PCDHA8: variants seen among roughly 807,000 people sequenced by gnomAD.
PCDHA8 encodes protocadherin alpha-8.
PCDHA8 carries 53 observed loss-of-function variants against 61.8 expected under a neutral mutation model. That is an observed-to-expected ratio of 0.86 (90% CI 0.69 to 1.08). PCDHA8 has a LOEUF of 1.08. Ranked by LOEUF, PCDHA8 falls within the 50% of genes least tolerant of loss-of-function variation. The probability of loss-of-function intolerance (pLI) is 0.00; values close to 1 mark genes in which losing one functional copy is unlikely to be tolerated. For synonymous variants in PCDHA8, 618 were observed against 556.6 expected (o/e 1.11, Z -1.55); for missense variants, 1,293 against 1,245.0 (o/e 1.04, Z -0.58).
chr5:141,003,520 C>T (rs1171208921), intron 3 of PCDHA8, among the ~76,000 whole-genome samples: 2 of 152,126 alleles, frequency 1.3e-5, no homozygotes, highest in Admixed American at 6.5e-5. Flanking sequence ...ACCATGTTCC[C>T]TAGGCTGGTC....
At chr5:140,948,106 T>A (rs1383733772) in intron 1 of PCDHA8, among the ~76,000 whole-genome samples, 1 of 151,652 alleles carries the variant, frequency 6.6e-6, no homozygotes, top group Non-Finnish European at 1.5e-5. Context: ...TGATTTTTCT[T>A]CGTTTTACTA....
intron 1 of PCDHA8, chr5:140,875,192 C>T (rs2055339316): frequency 2.0e-6 from 1 of 509,102 alleles, no homozygotes. Flanking sequence ...AAGAGTGACC[C>T]AGGAAGTGGC....
intron 3 of PCDHA8, among the ~76,000 whole-genome samples, chr5:140,995,888 T>C (rs1307052037): frequency 3.3e-5 from 5 of 152,216 alleles, no homozygotes; most frequent in Non-Finnish European, 5.9e-5. Flanking sequence ...GCTTCAGATT[T>C]ATCAATGTAT....
At chr5:140,864,302 C>T (rs550549818) in intron 1 of PCDHA8, 1 of 152,214 alleles carries the variant, frequency 6.6e-6, no homozygotes, top group Non-Finnish European at 1.5e-5. Context: ...TTCAAAAATA[C>T]CATGACAATA....
chr5:140,863,264 C>A (rs1432032847), intron 1 of PCDHA8: 2 of 1,454,796 alleles, frequency 1.4e-6, no homozygotes, highest in African/African-American at 1.4e-5. Context: ...GTCCGGGAGG[C>A]AGCGCTGGTG....
intron 1 of PCDHA8, among the ~76,000 whole-genome samples, chr5:140,948,744 C>A (rs868917864): frequency 3.3e-5 from 5 of 151,312 alleles, no homozygotes; most frequent in South Asian, 2.1e-4. Flanking sequence ...GAGAATTTAT[C>A]AATTTTGCTG....
chr5:140,963,526 T>G (rs1359195018), intron 1 of PCDHA8, among the ~76,000 whole-genome samples: 3 of 152,204 alleles, frequency 2.0e-5, no homozygotes, highest in Non-Finnish European at 4.4e-5. Flanking sequence ...ATAACAGAAG[T>G]CCCATTTACT....
At chr5:140,856,621 A>T in intron 1 of PCDHA8, 1 of 1,597,974 alleles carries the variant, frequency 6.3e-7, no homozygotes, top group Non-Finnish European at 8.6e-7. Context: ...ACAAATTCCC[A>T]GTGCTTGTTC....
At chr5:141,006,951 T>TA (rs1428990680) in intron 3 of PCDHA8, among the ~76,000 whole-genome samples, 1 of 152,164 alleles carries the variant, frequency 6.6e-6, no homozygotes, top group Non-Finnish European at 1.5e-5. Context: ...GATAGGCAGT[T>TA]ATACATGAGA....
intron 3 of PCDHA8, among the ~76,000 whole-genome samples, chr5:141,000,180 T>G (rs2153962126): frequency 6.6e-6 from 1 of 151,688 alleles, no homozygotes; most frequent in South Asian, 2.1e-4. Flanking sequence ...AGCCAAGGAG[T>G]CAATGTGAGA....
chr5:140,967,698 A>T, intron 1 of PCDHA8: 1 of 1,614,174 alleles, frequency 6.2e-7, no homozygotes, highest in Non-Finnish European at 8.5e-7. Context: ...TTCAGCATAG[A>T]TGCCAGTACC....
intron 3 of PCDHA8, among the ~76,000 whole-genome samples, chr5:141,007,315 C>A (rs1207897662): frequency 1.3e-5 from 2 of 148,308 alleles, no homozygotes; most frequent in Admixed American, 1.4e-4. Flanking sequence ...TTTTGGGAGG[C>A]TAAAGTGGAC....
At chr5:140,878,264 T>G (rs577205816) in intron 1 of PCDHA8, among the ~76,000 whole-genome samples, 83 of 152,314 alleles carry the variant, frequency 5.4e-4, no homozygotes, top group African/African-American at 1.9e-3. Flanking sequence ...TGCTTAGGCT[T>G]TTAAAATAGC....
intron 1 of PCDHA8, chr5:140,876,123 C>T (rs782271666): frequency 6.2e-7 from 1 of 1,613,906 alleles, no homozygotes; most frequent in East Asian, 2.2e-5. Flanking sequence ...TAATCGATGG[C>T]GGTAAACCAG....
chr5:140,981,691 T>C (rs1370541525), intron 2 of PCDHA8, among the ~76,000 whole-genome samples: 1 of 150,826 alleles, frequency 6.6e-6, no homozygotes, highest in East Asian at 2.1e-4. Flanking sequence ...CCTTCCATCA[T>C]TCATTCATTC....
rs542968986 is a variant in PCDHA8, at chr5:141,005,917, A to T, written c.2543-3710A>T. On this transcript the variant is annotated intron_variant, in intron 3 of 3. Transcript: ENST00000531613. ...AGCAATGATTGCACCACTGCACTTCAGCCTGGTTGACAGAGTGAGAACCTA... is the reference window on the plus strand; with the variant it reads ...AGCAATGATTGCACCACTGCACTTCTGCCTGGTTGACAGAGTGAGAACCTA... Among the ~76,000 whole-genome samples the T allele has an allele frequency of 4.5e-4, 69 of 152,156 alleles. No homozygotes were observed. In the South Asian group the frequency reaches 0.013, roughly 28 times the overall value.
intron 1 of PCDHA8, chr5:140,928,467 A>G (rs782319281): frequency 6.2e-7 from 1 of 1,614,142 alleles, no homozygotes; most frequent in South Asian, 1.1e-5. Flanking sequence ...ATTTCCAAGT[A>G]GAAGGCCGGG....
intron 1 of PCDHA8, among the ~76,000 whole-genome samples, chr5:140,917,537 A>G (rs1433498846): frequency 2.0e-5 from 3 of 152,222 alleles, no homozygotes; most frequent in Middle Eastern, 3.2e-3. Flanking sequence ...GTATAGTTTT[A>G]GGTTTTACAT....
rs200153004 is a variant in PCDHA8 at position 140,870,042 on chromosome 5, G to A, written c.2394+26327G>A. 5 of 1,613,712 alleles carry A rather than the reference G, an allele frequency of 3.1e-6. No homozygotes were observed. In the East Asian group the frequency reaches 6.7e-5, roughly 22 times the overall value. On this transcript the variant is annotated intron_variant, in intron 1 of 3. Coordinates refer to ENST00000531613, the MANE Select transcript of PCDHA8 (RefSeq NM_018911.3). The stretch of plus-strand genomic sequence containing the variant: ...GAACTTTAGATTATGAAGAAAACAA[G>A]TTTTATAAAATTGAAGTACAGGCTA...
Sources: allele counts gnomAD v4.1 joint callset (sites outside exome capture counted in the v4.1 genomes callset), GRCh38; gene constraint gnomAD v4.1.1; transcripts MANE v1.5; gene names NCBI Gene and HGNC (gene_info 2026-07-23, HGNC 2026-07-21).